The following TRIM24 variants were observed in gnomAD, a reference collection of about 807,000 sequenced individuals.
TRIM24 encodes the protein transcription intermediary factor 1-alpha.
In TRIM24, 29 loss-of-function variants were observed where a neutral mutation model predicts 123.9. That is an observed-to-expected ratio of 0.23 (90% CI 0.17 to 0.32). The LOEUF is 0.32. Among genes scored for constraint, TRIM24 ranks in the 10% least tolerant of loss-of-function variants. The pLI, the probability that TRIM24 is intolerant of heterozygous loss-of-function variation, is 1.00. For synonymous variants in TRIM24, 456 were observed against 461.1 expected (o/e 0.99, Z 0.14); for missense variants, 932 against 1,295.3 (o/e 0.72, Z 4.31).
chr7:138,568,099 T>C (rs78230480), intron 10 of TRIM24, among the ~76,000 whole-genome samples: 2,777 of 152,210 alleles, frequency 0.018, 70 homozygotes, highest in African/African-American at 0.061. Flanking sequence ...ATATTTAATA[T>C]GATACAGCTT....
chr7:138,484,964 G>C (rs528410881), intron 1 of TRIM24, among the ~76,000 whole-genome samples: 225 of 151,892 alleles, frequency 1.5e-3, no homozygotes, highest in Non-Finnish European at 2.6e-3. Context: ...CAATTTTATT[G>C]ATATAGGTAG....
intron 13 of TRIM24, among the ~76,000 whole-genome samples, chr7:138,576,796 C>G (rs772387872): frequency 6.6e-6 from 1 of 152,134 alleles, no homozygotes; most frequent in Non-Finnish European, 1.5e-5. Context: ...TCTCTAATGA[C>G]TAAATGTTGA....
intron 2 of TRIM24, among the ~76,000 whole-genome samples, chr7:138,509,866 T>G (rs1034099209): frequency 6.6e-6 from 1 of 152,132 alleles, no homozygotes; most frequent in Non-Finnish European, 1.5e-5. Flanking sequence ...TATTAAAAGA[T>G]AAAAGCTCAG....
chr7:138,526,453 TTTTTTTTTGA>T (rs1796612627), intron 5 of TRIM24, among the ~76,000 whole-genome samples: 1 of 148,508 alleles, frequency 6.7e-6, no homozygotes, highest in African/African-American at 2.6e-5. Context: ...TTGTTTTTTG[TTTTTTTTTGA>T]GACGGAGTCT....
At chr7:138,576,298 A>T (rs1228639982) in intron 12 of TRIM24, 75 bp from the exon 13 acceptor site, 46 of 1,345,552 alleles carry the variant, frequency 3.4e-5, no homozygotes, top group Non-Finnish European at 3.9e-5. Flanking sequence ...TGTAGTGCTA[A>T]GTGAACACAT....
chr7:138,460,486 G>T lies in TRIM24; in HGVS notation c.-63G>T. On this transcript the variant is annotated 5_prime_UTR_variant, in exon 1 of 19. Coordinates refer to ENST00000343526, the MANE Select transcript of TRIM24 (RefSeq NM_015905.3). ...GGAGCAGCCGCAGGAGGAGGAGGAG[G>T]TCGTCGGGGGCGGCGGGCGGAGACC... The T allele has an allele frequency of 8.0e-7, 1 of 1,255,632 alleles. No individual in the cohort carries two copies. The highest frequency in any genetic ancestry group is 1.0e-6 in the Non-Finnish European group (1 of 1,003,574). 77.8% of individuals were successfully genotyped at this position (1,255,632 alleles called of 1,614,324 possible).
chr7:138,578,567 C>CGCGCGT (rs1797822270), intron 14 of TRIM24, among the ~76,000 whole-genome samples: 2 of 120,540 alleles, frequency 1.7e-5, no homozygotes, highest in South Asian at 2.9e-4. Flanking sequence ...TGTGTGTGCG[C>CGCGCGT]GCACGCACGA....
rs116392203 is a variant in TRIM24 at position 138,556,012 on chromosome 7, A to G, written c.1530+1046A>G. On this transcript the variant is annotated intron_variant, in intron 9 of 18. Coordinates refer to ENST00000343526, the MANE Select transcript of TRIM24 (RefSeq NM_015905.3). Reference sequence around the variant, plus strand: ...TTAGTCTGGATGAAGGTGGCAAAAGACTTCTATGACTACCTTTATTCTCCC... The same window carrying G: ...TTAGTCTGGATGAAGGTGGCAAAAGGCTTCTATGACTACCTTTATTCTCCC... 4.3e-3 allele frequency among the ~76,000 whole-genome samples: 652 copies of G among 152,248 alleles called. 4 individuals are homozygous for G. Among genetic ancestry groups the G allele is most frequent in the African/African-American group, 0.015 (624 of 41,540 alleles).
intron 13 of TRIM24, 53 bp downstream of exon 13, chr7:138,576,498 CT>C (rs1053665653): frequency 3.9e-6 from 6 of 1,520,422 alleles, no homozygotes; most frequent in Non-Finnish European, 4.6e-6. Flanking sequence ...AATTAGATTT[CT>C]TTTGCCAGTG....
intron 17 of TRIM24, among the ~76,000 whole-genome samples, chr7:138,582,455 T>A (rs971064130): frequency 6.8e-6 from 1 of 147,628 alleles, no homozygotes; most frequent in Non-Finnish European, 1.5e-5. Context: ...GGCAGGAGAG[T>A]GGCGTGAACC....
At chr7:138,531,230 A>G (rs530540732) in intron 6 of TRIM24, among the ~76,000 whole-genome samples, 87 of 147,044 alleles carry the variant, frequency 5.9e-4, no homozygotes, top group South Asian at 1.0e-3. Context: ...ACATACGTAT[A>G]CATGTTACAC....
At chr7:138,542,576 G>A (rs967120603) in intron 7 of TRIM24, among the ~76,000 whole-genome samples, 1 of 152,160 alleles carries the variant, frequency 6.6e-6, no homozygotes, top group East Asian at 1.9e-4. Flanking sequence ...GAATGGTGCT[G>A]ATTTTCTCAA....
chr7:138,550,121 C>T (rs920941337), intron 7 of TRIM24, among the ~76,000 whole-genome samples: 6 of 152,122 alleles, frequency 3.9e-5, no homozygotes, highest in African/African-American at 1.2e-4. Flanking sequence ...ATATGTTAGC[C>T]AGTCAGCCTT....
At chr7:138,521,656 G>C (rs747406143) in intron 4 of TRIM24, among the ~76,000 whole-genome samples, 3 of 152,096 alleles carry the variant, frequency 2.0e-5, no homozygotes, top group Non-Finnish European at 4.4e-5. Context: ...TACAAGACAG[G>C]TTTCGGACTG....
intron 8 of TRIM24, among the ~76,000 whole-genome samples, chr7:138,551,589 A>G (rs1373262342): frequency 1.3e-5 from 2 of 152,258 alleles, no homozygotes; most frequent in East Asian, 3.8e-4. Flanking sequence ...AAACACACAT[A>G]CATGTATAGC....
intron 9 of TRIM24, among the ~76,000 whole-genome samples, chr7:138,563,803 GA>G (rs1427824975): frequency 6.6e-6 from 1 of 152,164 alleles, no homozygotes; most frequent in Non-Finnish European, 1.5e-5. Flanking sequence ...TTCCTATATT[GA>G]TTGCCTTTTT....
chr7:138,464,790 C>G (rs1261817645), intron 1 of TRIM24, among the ~76,000 whole-genome samples: 1 of 152,076 alleles, frequency 6.6e-6, no homozygotes, highest in African/African-American at 2.4e-5. Context: ...ACTTTAACAC[C>G]ACTAAACTTT....
At chr7:138,463,606 T>TA (rs1314171057) in intron 1 of TRIM24, among the ~76,000 whole-genome samples, 2 of 152,192 alleles carry the variant, frequency 1.3e-5, no homozygotes, top group African/African-American at 4.8e-5. Flanking sequence ...ATTATAGAAT[T>TA]ATGACATATT....
At chr7:138,514,214 C>T (rs747036093) in intron 2 of TRIM24, among the ~76,000 whole-genome samples, 3 of 152,196 alleles carry the variant, frequency 2.0e-5, no homozygotes, top group Non-Finnish European at 4.4e-5. Context: ...AACCTGTTCT[C>T]ATCTCCACAT....
Sources: gnomAD v4.1 joint callset for allele counts (sites outside exome capture counted in the v4.1 genomes callset) on GRCh38, gnomAD v4.1.1 for gene constraint, MANE v1.5 for transcripts, NCBI Gene and HGNC (gene_info 2026-07-23, HGNC 2026-07-21) for gene names.